The following CCDC91 variants were observed in gnomAD, a reference collection of about 807,000 sequenced individuals.
The protein encoded by CCDC91 is coiled-coil domain-containing protein 91.
In CCDC91, 48 loss-of-function variants were observed where a neutral mutation model predicts 63.2. The ratio of observed to expected loss-of-function variants is 0.76; its 90% CI spans 0.60 to 0.97. The LOEUF (loss-of-function observed/expected upper bound fraction) is 0.97, where lower values mean the gene tolerates loss of function less well. Among genes scored for constraint, CCDC91 ranks in the 50% least tolerant of loss-of-function variants. CCDC91 has a pLI of 0.00. For missense variants in CCDC91, 500 were observed against 494.6 expected, an observed-to-expected ratio of 1.01 and a Z score of -0.10; for synonymous variants, 167 against 165.8, an observed-to-expected ratio of 1.01 and a Z score of -0.06.
chr12:28,211,596 C>G (rs1376661046), intron 1 of CCDC91, among the ~76,000 whole-genome samples: 1 of 152,134 alleles, frequency 6.6e-6, no homozygotes, highest in South Asian at 2.1e-4. Context: ...GAATGTTTTA[C>G]TGTAAGTTAT....
intron 3 of CCDC91, chr12:28,268,542 T>C: frequency 2.5e-6 from 1 of 404,270 alleles, no homozygotes; most frequent in Non-Finnish European, 3.3e-6. Flanking sequence ...TAACACCACA[T>C]TTTCATAGAA....
At chr12:28,281,072 A>G (rs1948583629) in intron 3 of CCDC91, among the ~76,000 whole-genome samples, 1 of 152,134 alleles carries the variant, frequency 6.6e-6, no homozygotes, top group South Asian at 2.1e-4. Context: ...GTCTTCATTT[A>G]TCAATTACTT....
At chr12:28,427,532 T>C (rs1460483380) in intron 8 of CCDC91, among the ~76,000 whole-genome samples, 2 of 152,068 alleles carry the variant, frequency 1.3e-5, no homozygotes. Flanking sequence ...CCCCAGGAGT[T>C]CTCACTTTCA....
At position 28,273,657 on chromosome 12, in the gene CCDC91, C is replaced by G. The variant is rs527589958; in HGVS notation, c.109+14215C>G. Among the ~76,000 whole-genome samples, 30 of 152,206 alleles carry G rather than the reference C, an allele frequency of 2.0e-4. No homozygotes were observed. In the East Asian group the frequency reaches 5.4e-3, roughly 27 times the overall value. On this transcript the variant is annotated intron_variant, in intron 3 of 12. Coordinates refer to ENST00000536442, the MANE Select transcript of CCDC91 (RefSeq NM_018318.5). ...TGTCTTCTTTTGAGAAGTGTCTGTT[C>G]ATATCCTTCGCCCACTTTTTGATGG...
intron 3 of CCDC91, among the ~76,000 whole-genome samples, chr12:28,280,034 A>G (rs1316656081): frequency 6.6e-6 from 1 of 152,076 alleles, no homozygotes; most frequent in Non-Finnish European, 1.5e-5. Flanking sequence ...AATGGAATTA[A>G]ATCTCCAAAT....
At chr12:28,260,423 T>G (rs1355666580) in intron 3 of CCDC91, among the ~76,000 whole-genome samples, 2 of 151,940 alleles carry the variant, frequency 1.3e-5, no homozygotes, top group African/African-American at 4.8e-5. Context: ...GAGAGAAAGG[T>G]GATGGCATTG....
At chr12:28,547,091 T>G (rs1943042935) in intron 12 of CCDC91, among the ~76,000 whole-genome samples, 1 of 152,062 alleles carries the variant, frequency 6.6e-6, no homozygotes, top group East Asian at 1.9e-4. Context: ...ACTTAAGAAT[T>G]ATAAGGATTA....
intron 11 of CCDC91, among the ~76,000 whole-genome samples, chr12:28,477,165 C>T (rs1374002643): frequency 6.6e-6 from 1 of 151,820 alleles, no homozygotes; most frequent in African/African-American, 2.4e-5. Context: ...AGAGACACAA[C>T]AAAAAAAGGA....
At chr12:28,450,800 A>G (rs1949767902) in intron 10 of CCDC91, among the ~76,000 whole-genome samples, 1 of 151,780 alleles carries the variant, frequency 6.6e-6, no homozygotes, top group African/African-American at 2.4e-5. Flanking sequence ...ATAGATATAA[A>G]ATATACACAC....
intron 7 of CCDC91, among the ~76,000 whole-genome samples, chr12:28,365,618 A>G (rs1944221996): frequency 1.3e-5 from 2 of 152,228 alleles, no homozygotes. Context: ...AATTCAACAA[A>G]GATTATTCAT....
At chr12:28,521,368 CTGTT>C (rs1438041135) in intron 12 of CCDC91, among the ~76,000 whole-genome samples, 1 of 152,028 alleles carries the variant, frequency 6.6e-6, no homozygotes, top group Non-Finnish European at 1.5e-5. Flanking sequence ...ATTTGGCTCT[CTGTT>C]TGTCTGTTAT....
intron 12 of CCDC91, among the ~76,000 whole-genome samples, chr12:28,530,930 G>A (rs536309002): frequency 2.0e-5 from 3 of 152,150 alleles, no homozygotes; most frequent in African/African-American, 7.2e-5. Flanking sequence ...AGGGCTTGAG[G>A]CTCTCTCTCA....
At chr12:28,305,268 C>T (rs1210937544) in intron 3 of CCDC91, among the ~76,000 whole-genome samples, 13 of 151,716 alleles carry the variant, frequency 8.6e-5, no homozygotes, top group African/African-American at 2.9e-4. Flanking sequence ...GGTACTCTAG[C>T]GCTTTTTAAA....
At chr12:28,377,636 T>G (rs1372779163) in intron 7 of CCDC91, among the ~76,000 whole-genome samples, 1 of 151,886 alleles carries the variant, frequency 6.6e-6, no homozygotes, top group Non-Finnish European at 1.5e-5. Flanking sequence ...ATTTTTTAAT[T>G]TTTTTATATC....
intron 6 of CCDC91, among the ~76,000 whole-genome samples, chr12:28,317,460 G>T (rs988005132): frequency 9.9e-5 from 15 of 151,924 alleles, no homozygotes; most frequent in African/African-American, 3.6e-4. Context: ...AATAAAACTT[G>T]AAGGAAAAGA....
intron 1 of CCDC91, among the ~76,000 whole-genome samples, chr12:28,244,314 A>G (rs1035917016): frequency 2.6e-5 from 4 of 151,878 alleles, no homozygotes; most frequent in South Asian, 2.1e-4. Context: ...ATCATCAGCA[A>G]TCTTCCTAAA....
chr12:28,455,932 G>A (rs1182272575), intron 11 of CCDC91, among the ~76,000 whole-genome samples: 1 of 152,088 alleles, frequency 6.6e-6, no homozygotes, highest in Non-Finnish European at 1.5e-5. Flanking sequence ...TTTAGGCCAT[G>A]TGACTTTTTA....
intron 6 of CCDC91, among the ~76,000 whole-genome samples, chr12:28,355,642 G>A (rs537689507): frequency 6.6e-6 from 1 of 152,164 alleles, no homozygotes; most frequent in South Asian, 2.1e-4. Context: ...TCTGGGGTTT[G>A]TAAATTAACA....
intron 12 of CCDC91, among the ~76,000 whole-genome samples, chr12:28,544,847 A>G (rs1593015916): frequency 2.0e-5 from 3 of 152,190 alleles, no homozygotes; most frequent in Middle Eastern, 6.8e-3. Context: ...TACTTTTGCA[A>G]TGGCATGAAA....
Sources: gnomAD v4.1 joint callset for allele counts (sites outside exome capture counted in the v4.1 genomes callset) on GRCh38, gnomAD v4.1.1 for gene constraint, MANE v1.5 for transcripts, NCBI Gene and HGNC (gene_info 2026-07-23, HGNC 2026-07-21) for gene names.